KCNH5: variants seen among roughly 807,000 people sequenced by gnomAD.
KCNH5 encodes voltage-gated delayed rectifier potassium channel KCNH5.
Under a neutral mutation model 96.1 loss-of-function variants are expected in KCNH5, and 46 were observed. The observed-to-expected ratio is 0.48, with a 90% CI of 0.38 to 0.61. KCNH5 has a LOEUF of 0.61. KCNH5 is among the 20% of genes least tolerant of loss of function. The probability of loss-of-function intolerance (pLI) is 0.00; values close to 1 mark genes in which losing one functional copy is unlikely to be tolerated. For missense variants in KCNH5, 907 were observed against 1,225.8 expected, an observed-to-expected ratio of 0.74 and a Z score of 3.88; for synonymous variants, 439 against 449.8, an observed-to-expected ratio of 0.98 and a Z score of 0.30.
intron 9 of KCNH5, among the ~76,000 whole-genome samples, chr14:62,785,571 C>T (rs78826087): frequency 0.029 from 4,367 of 152,236 alleles, 74 homozygotes; most frequent in South Asian, 0.056. Context: ...TAGTAGAAAG[C>T]TTGTGCTAAA....
chr14:62,973,516 A>G (rs1174092422), intron 6 of KCNH5, among the ~76,000 whole-genome samples: 3 of 152,130 alleles, frequency 2.0e-5, no homozygotes, highest in African/African-American at 7.2e-5. Context: ...ATGAAGACAC[A>G]TTTGTCTTGT....
chr14:62,827,611 T>C (rs1887253257), intron 8 of KCNH5, among the ~76,000 whole-genome samples: 3 of 152,236 alleles, frequency 2.0e-5, no homozygotes, highest in African/African-American at 7.2e-5. Context: ...TGTTGTTTTG[T>C]TGTATATATT....
At chr14:62,872,970 G>A (rs1413885332) in intron 7 of KCNH5, among the ~76,000 whole-genome samples, 3 of 152,062 alleles carry the variant, frequency 2.0e-5, no homozygotes, top group Non-Finnish European at 4.4e-5. Context: ...CTAACACAGT[G>A]AAACTCCGTT....
chr14:62,982,562 T>C (rs1890630172), intron 5 of KCNH5, among the ~76,000 whole-genome samples: 1 of 152,244 alleles, frequency 6.6e-6, no homozygotes, highest in African/African-American at 2.4e-5. Context: ...AATATTTAGA[T>C]GTAAGAATGG....
chr14:62,912,427 A>G (rs961835617), intron 7 of KCNH5, among the ~76,000 whole-genome samples: 2 of 150,222 alleles, frequency 1.3e-5, no homozygotes, highest in African/African-American at 4.9e-5. Context: ...TTTTTTTTAG[A>G]CGGAGTTTCG....
At chr14:62,888,763 G>C (rs1888647131) in intron 7 of KCNH5, among the ~76,000 whole-genome samples, 1 of 152,086 alleles carries the variant, frequency 6.6e-6, no homozygotes, top group African/African-American at 2.4e-5. Flanking sequence ...CAGAAAGCCT[G>C]TCACACATCT....
Position 62,987,077 on chromosome 14 carries a change from C to T in KCNH5, c.544G>A (p.Ala182Thr). ...AAAATTCATCTCATACTTACTTCAG[C>T]TAGTCTTGAATGTTTATGGACCACC... ...TEVVHKHSRL[A>T]EVLQLGSDIL... Residue 182 changes from alanine to threonine, a missense_variant, in exon 5 of 11, where the codon GCT becomes ACT. This residue lies in a region of KCNH5 where 370 missense variants were observed against 561.3 expected (regional missense o/e 0.66). Transcript: ENST00000322893. 1.2e-6 allele frequency: 2 copies of T among 1,608,920 alleles called. No homozygotes were observed. The highest frequency in any genetic ancestry group is 1.7e-6 in the Non-Finnish European group (2 of 1,175,456).
intron 1 of KCNH5, among the ~76,000 whole-genome samples, chr14:63,017,157 C>T (rs1300566724): frequency 6.6e-6 from 1 of 151,988 alleles, no homozygotes; most frequent in Non-Finnish European, 1.5e-5. Context: ...AATTTATATA[C>T]AAACTAAAAA....
intron 6 of KCNH5, among the ~76,000 whole-genome samples, chr14:62,958,751 C>A (rs1009039778): frequency 1.4e-4 from 21 of 152,120 alleles, no homozygotes; most frequent in African/African-American, 4.3e-4. Flanking sequence ...GCTTTCTTCA[C>A]AACTGTATTA....
chr14:62,718,537 T>C (rs1160064096), intron 10 of KCNH5, among the ~76,000 whole-genome samples: 1 of 152,196 alleles, frequency 6.6e-6, no homozygotes, highest in Non-Finnish European at 1.5e-5. Context: ...CTAGGATGGC[T>C]GTAGTAAAAA....
intron 1 of KCNH5, among the ~76,000 whole-genome samples, chr14:63,035,671 T>C (rs887869889): frequency 1.3e-5 from 2 of 152,206 alleles, no homozygotes; most frequent in African/African-American, 4.8e-5. Flanking sequence ...GTTGTTTGTT[T>C]GGGTTTAGTA....
intron 7 of KCNH5, among the ~76,000 whole-genome samples, chr14:62,859,453 A>G (rs1269405926): frequency 6.6e-6 from 1 of 152,198 alleles, no homozygotes. Context: ...TGATTATTAA[A>G]GTCTTCTCCT....
rs1886118406 is a variant in KCNH5 at position 62,777,332 on chromosome 14, G to A, written c.2019+2396C>T. On this transcript the variant is annotated intron_variant, in intron 10 of 10. Transcript: ENST00000322893. Reference sequence around the variant, plus strand: ...TGACTCCTAGGTTATTAGGGAACTAGCTGTTCCAGTCTTAGAAACTTAACG... The same window carrying A: ...TGACTCCTAGGTTATTAGGGAACTAACTGTTCCAGTCTTAGAAACTTAACG... 2.0e-5 allele frequency among the ~76,000 whole-genome samples: 3 copies of A among 152,318 alleles called. 1 individual carries two copies. In the South Asian group the frequency reaches 6.2e-4, roughly 32 times the overall value.
intron 7 of KCNH5, among the ~76,000 whole-genome samples, chr14:62,911,645 G>T (rs1889157096): frequency 1.3e-5 from 2 of 151,252 alleles, no homozygotes; most frequent in South Asian, 4.2e-4. Context: ...AGAGAAGTGG[G>T]TCAATATTTG....
At chr14:62,810,024 T>C (rs186505611) in intron 8 of KCNH5, among the ~76,000 whole-genome samples, 5 of 152,196 alleles carry the variant, frequency 3.3e-5, no homozygotes, top group African/African-American at 4.8e-5. Context: ...TCATGAAAAG[T>C]CTTCTAATTT....
intron 10 of KCNH5, among the ~76,000 whole-genome samples, chr14:62,732,566 C>G (rs1291834012): frequency 1.3e-5 from 2 of 152,056 alleles, no homozygotes; most frequent in Non-Finnish European, 2.9e-5. Context: ...ATCCTCTTCT[C>G]TATCCGAAAT....
At chr14:62,901,328 C>A (rs1888921055) in intron 7 of KCNH5, among the ~76,000 whole-genome samples, 1 of 151,936 alleles carries the variant, frequency 6.6e-6, no homozygotes, top group Admixed American at 6.6e-5. Context: ...GATTCCATCA[C>A]CCAGATACCG....
chr14:62,708,402 C>G lies in KCNH5; in HGVS notation c.2073G>C (p.Arg691=). 1 of 1,610,860 alleles carries G rather than the reference C, an allele frequency of 6.2e-7. No homozygotes were observed. The highest frequency in any genetic ancestry group is 8.5e-7 in the Non-Finnish European group (1 of 1,179,440). Residue 691 remains arginine (R), a synonymous_variant, in exon 11 of 11, where the codon CGG becomes CGC. Coordinates refer to ENST00000322893, the MANE Select transcript of KCNH5 (RefSeq NM_139318.5). ...TGCTGAGGGTCACCTCATTCTTCTG[C>G]CGGAGGCGCTCCTCCTCCTCTTTCT... is the stretch of plus-strand genomic sequence containing the variant. ...DVKKEEEERL[R]QKNEVTLSIP... is the part of the protein sequence containing the mutation.
In KCNH5 at chr14:62,834,486, A is replaced by G. The variant is rs945694885; in HGVS notation, c.1569+15167T>C. On this transcript the variant is annotated intron_variant, in intron 8 of 10. Coordinates refer to ENST00000322893, the MANE Select transcript of KCNH5 (RefSeq NM_139318.5). ...ACTAGAGGGACAATTAACAAAGAAT[A>G]TATAAGTGAACTTCTGTATCATACT... 5.9e-5 allele frequency among the ~76,000 whole-genome samples: 9 copies of G among 152,200 alleles called. No individual in the cohort carries two copies. The East Asian group carries it at 1.7e-3, about 29-fold the overall frequency.
Sources: allele counts gnomAD v4.1 joint callset (sites outside exome capture counted in the v4.1 genomes callset), GRCh38; gene constraint gnomAD v4.1.1; regional missense constraint gnomAD v4.1.1; transcripts MANE v1.5; gene names NCBI Gene and HGNC (gene_info 2026-07-23, HGNC 2026-07-21).